Variants in PLBD1 observed in about 807,000 individuals in gnomAD.
The protein encoded by PLBD1 is lysosomal leucine aminopeptidase.
PLBD1 carries 60 observed loss-of-function variants against 63.0 expected under a neutral mutation model. The ratio of observed to expected loss-of-function variants is 0.95; its 90% CI spans 0.77 to 1.18. PLBD1 has a LOEUF of 1.18. Among genes scored for constraint, PLBD1 ranks in the 50% most tolerant of loss-of-function variants. PLBD1 has a pLI of 0.00. For missense variants in PLBD1, 598 were observed against 677.9 expected (o/e 0.88, Z 1.31); for synonymous variants, 262 against 248.0 (o/e 1.06, Z -0.53).
Position 14,507,134 on chromosome 12 carries a change from A to AG in PLBD1, c.1187-17dup, listed in dbSNP as rs1945262934. 1 of 1,559,054 alleles carries AG rather than the reference A, an allele frequency of 6.4e-7. No individual in the cohort carries two copies. Among genetic ancestry groups the AG allele is most frequent in the African/African-American group, 1.4e-5 (1 of 73,920 alleles). On this transcript the variant is annotated splice_polypyrimidine_tract_variant and intron_variant, in intron 8 of 10. Transcript: ENST00000240617. ...GGCCAATATCCTGATTTGGAATGGA[A>AG]GGGAAGTAAGGGAGGGATTGACAGG... is the stretch of plus-strand genomic sequence containing the variant.
Position 14,506,266 on chromosome 12 carries a change from A to T in PLBD1, c.1375T>A (p.Tyr459Asn). ...CCTCTACTGTAAGGATCCTTCTTATAATCTAGGAAACAGAAATGGGGAAGA... is the reference window on the plus strand; with the variant it reads ...CCTCTACTGTAAGGATCCTTCTTATTATCTAGGAAACAGAAATGGGGAAGA... ...SMKYIMRYNN[Y>N]KKDPYSRGDP... is the part of the protein sequence containing the mutation. Residue 459 changes from tyrosine to asparagine, a missense_variant and splice_region_variant, in exon 10 of 11, where the codon TAT (tyrosine) becomes AAT (asparagine). Transcript: ENST00000240617. 2 of 1,593,156 alleles carry T rather than the reference A, an allele frequency of 1.3e-6. No individual in the cohort carries two copies. Among genetic ancestry groups the T allele is most frequent in the Non-Finnish European group, 1.7e-6 (2 of 1,163,120 alleles).
chr12:14,518,825 G>C (rs1035636050), intron 6 of PLBD1, among the ~76,000 whole-genome samples: 1 of 152,082 alleles, frequency 6.6e-6, no homozygotes, highest in Non-Finnish European at 1.5e-5. Flanking sequence ...TACCTAGGAA[G>C]CTCAAAGGAG....
chr12:14,547,525 CT>C (rs1945624786), intron 2 of PLBD1, among the ~76,000 whole-genome samples: 1 of 152,160 alleles, frequency 6.6e-6, no homozygotes, highest in African/African-American at 2.4e-5. Flanking sequence ...CTTTTCCATG[CT>C]TCTGAATTCT....
At chr12:14,526,363 A>T (rs944825756) in intron 6 of PLBD1, among the ~76,000 whole-genome samples, 1 of 152,196 alleles carries the variant, frequency 6.6e-6, no homozygotes, top group Non-Finnish European at 1.5e-5. Flanking sequence ...CGAAAGCAGG[A>T]ATGCCTACAT....
At chr12:14,552,770 T>C (rs1183947247) in intron 2 of PLBD1, among the ~76,000 whole-genome samples, 2 of 152,124 alleles carry the variant, frequency 1.3e-5, no homozygotes, top group Non-Finnish European at 2.9e-5. Flanking sequence ...AATGGTTTCA[T>C]GGGATGGGAA....
intron 1 of PLBD1, among the ~76,000 whole-genome samples, chr12:14,565,188 G>C (rs139667540): frequency 6.6e-6 from 1 of 152,096 alleles, no homozygotes; most frequent in Non-Finnish European, 1.5e-5. Flanking sequence ...AAAAGTGTCC[G>C]GGCATGGTAG....
intron 2 of PLBD1, among the ~76,000 whole-genome samples, chr12:14,546,563 C>T (rs1329876709): frequency 6.6e-6 from 1 of 152,080 alleles, no homozygotes; most frequent in Admixed American, 6.6e-5. Flanking sequence ...TGATTTCTCC[C>T]TGTAAGGAGC....
intron 6 of PLBD1, among the ~76,000 whole-genome samples, chr12:14,520,452 T>C (rs1052333078): frequency 2.0e-5 from 3 of 151,908 alleles, no homozygotes; most frequent in East Asian, 1.9e-4. Context: ...AGCAAGGTAA[T>C]TGCCTGTTAA....
chr12:14,565,056 A>G (rs1470740992), intron 1 of PLBD1, among the ~76,000 whole-genome samples: 2 of 152,348 alleles, frequency 1.3e-5, no homozygotes, highest in Non-Finnish European at 2.9e-5. Context: ...ACGCAACACC[A>G]TATGTCTGAA....
chr12:14,559,327 T>C (rs1945729440), intron 1 of PLBD1, among the ~76,000 whole-genome samples: 1 of 152,150 alleles, frequency 6.6e-6, no homozygotes, highest in Admixed American at 6.5e-5. Context: ...CATTTATTTA[T>C]TTATTTATTA....
At position 14,536,646 on chromosome 12, in the gene PLBD1, G is replaced by A; in HGVS notation, c.623C>T (p.Ser208Leu). ...GCTGCCGTTTTTTGTGGGAGAGAGT[G>A]AGGGAATCAGATCCAATAGATCTCC... ...SVGDLLDLIP[S>L]LSPTKNGSLK... The change falls in exon 5 of 11, where the codon TCA becomes TTA. Residue 208 changes from serine to leucine, a missense_variant. Transcript: ENST00000240617. 1 of 1,614,166 alleles carries A rather than the reference G, an allele frequency of 6.2e-7. No homozygotes were observed. The highest frequency in any genetic ancestry group is 8.5e-7 in the Non-Finnish European group (1 of 1,180,004).
chr12:14,511,224 C>T (rs1045683007), intron 8 of PLBD1, 36 bp downstream of exon 8: 32 of 1,455,024 alleles, frequency 2.2e-5, no homozygotes, highest in Non-Finnish European at 2.9e-5. Flanking sequence ...CACACATACT[C>T]ATCAGGTTTT....
chr12:14,536,742 G>C, intron 4 of PLBD1, 32 bp from the exon 5 acceptor site: 2 of 1,605,640 alleles, frequency 1.2e-6, no homozygotes, highest in Non-Finnish European at 1.7e-6. Context: ...ACTTAACATC[G>C]TTTTGTGACA....
chr12:14,554,793 T>G (rs1945688606), intron 1 of PLBD1, among the ~76,000 whole-genome samples: 2 of 152,054 alleles, frequency 1.3e-5, no homozygotes, highest in South Asian at 4.1e-4. Context: ...TTTGGGACAC[T>G]ACACCCTCCC....
At chr12:14,512,573 A>G (rs976425549) in intron 6 of PLBD1, among the ~76,000 whole-genome samples, 10 of 152,194 alleles carry the variant, frequency 6.6e-5, no homozygotes, top group African/African-American at 2.4e-4. Context: ...ACACAGGAAA[A>G]TCAGTGAAGC....
intron 6 of PLBD1, among the ~76,000 whole-genome samples, chr12:14,531,798 A>G (rs1268902677): frequency 6.6e-6 from 1 of 151,984 alleles, no homozygotes; most frequent in Non-Finnish European, 1.5e-5. Context: ...CACTCGGCTG[A>G]TTTTTTTGTA....
intron 6 of PLBD1, among the ~76,000 whole-genome samples, chr12:14,513,760 G>A (rs1450262123): frequency 6.6e-6 from 1 of 151,822 alleles, no homozygotes; most frequent in Admixed American, 6.6e-5. Flanking sequence ...ACGATGAGAG[G>A]ACTGTCCAAC....
At chr12:14,565,560 G>A (rs1365710555) in intron 1 of PLBD1, among the ~76,000 whole-genome samples, 1 of 152,132 alleles carries the variant, frequency 6.6e-6, no homozygotes, top group East Asian at 1.9e-4. Flanking sequence ...CCATTCCAAG[G>A]GGATGGACAT....
chr12:14,505,106 CTTT>C (rs57466061), intron 10 of PLBD1, among the ~76,000 whole-genome samples: 4 of 140,526 alleles, frequency 2.8e-5, no homozygotes, highest in East Asian at 2.1e-4. Flanking sequence ...CTACGTCTAC[CTTT>C]TTTTTTTTTT....
Sources: gnomAD v4.1 joint callset for allele counts (sites outside exome capture counted in the v4.1 genomes callset) on GRCh38, gnomAD v4.1.1 for gene constraint, MANE v1.5 for transcripts, NCBI Gene and HGNC (gene_info 2026-07-23, HGNC 2026-07-21) for gene names.